Variants in NCAM2 observed in about 807,000 individuals in gnomAD.
NCAM2 encodes neural cell adhesion molecule 2.
NCAM2 carries 30 observed loss-of-function variants against 98.1 expected under a neutral mutation model. That is an observed-to-expected ratio of 0.31 (90% CI 0.23 to 0.41). NCAM2 has a LOEUF of 0.41. NCAM2 is among the 10% of genes least tolerant of loss of function. The probability of loss-of-function intolerance (pLI) is 1.00; values close to 1 mark genes in which losing one functional copy is unlikely to be tolerated. For missense variants in NCAM2, 867 were observed against 1,005.8 expected, an observed-to-expected ratio of 0.86 and a Z score of 1.87; for synonymous variants, 368 against 342.4, an observed-to-expected ratio of 1.07 and a Z score of -0.83.
intron 5 of NCAM2, among the ~76,000 whole-genome samples, chr21:21,304,602 A>G (rs894961203): frequency 6.6e-6 from 1 of 152,198 alleles, no homozygotes; most frequent in East Asian, 1.9e-4. Flanking sequence ...GTTCATTTCC[A>G]TATTAATTTT....
chr21:21,302,720 T>C (rs1238248150), intron 5 of NCAM2, among the ~76,000 whole-genome samples: 1 of 152,080 alleles, frequency 6.6e-6, no homozygotes, highest in African/African-American at 2.4e-5. Context: ...AAAACAGATA[T>C]ACTATTCAAC....
intron 9 of NCAM2, among the ~76,000 whole-genome samples, chr21:21,374,531 A>C (rs975039633): frequency 6.6e-6 from 1 of 152,020 alleles, no homozygotes; most frequent in African/African-American, 2.4e-5. Flanking sequence ...TGACAAGGAT[A>C]GTTTTTAAAA....
At chr21:21,376,475 G>T (rs1409910258) in intron 9 of NCAM2, among the ~76,000 whole-genome samples, 1 of 151,690 alleles carries the variant, frequency 6.6e-6, no homozygotes, top group Non-Finnish European at 1.5e-5. Flanking sequence ...CATGTATTCA[G>T]ATTTCAAAGT....
intron 1 of NCAM2, among the ~76,000 whole-genome samples, chr21:21,051,668 C>T (rs534375718): frequency 6.6e-6 from 1 of 152,150 alleles, no homozygotes; most frequent in Non-Finnish European, 1.5e-5. Context: ...TCATGGCAAA[C>T]AGTGTTGCTT....
chr21:21,064,207 G>A (rs1374259792), intron 1 of NCAM2, among the ~76,000 whole-genome samples: 1 of 152,156 alleles, frequency 6.6e-6, no homozygotes, highest in Non-Finnish European at 1.5e-5. Flanking sequence ...GTTCATGCCA[G>A]CCACTGAGGG....
intron 1 of NCAM2, among the ~76,000 whole-genome samples, chr21:21,263,077 TGACAACATGATCCTATACCTAG>T (rs951093987): frequency 6.6e-6 from 1 of 152,064 alleles, no homozygotes; most frequent in African/African-American, 2.4e-5. Context: ...CCCTCTTCTC[TGACAACATGATCCTATACCTAG>T]AAAACACTGA....
chr21:21,499,159 T>C (rs1987454845), intron 15 of NCAM2, among the ~76,000 whole-genome samples: 1 of 152,176 alleles, frequency 6.6e-6, no homozygotes. Context: ...CTGGCCACAG[T>C]AAAATGCGTA....
At position 21,515,875 on chromosome 21, in the gene NCAM2, C is replaced by A. The variant is rs149911502; in HGVS notation, c.2282+6820C>A. On this transcript the variant is annotated intron_variant, in intron 16 of 17. Transcript: ENST00000400546. ...TTTTATCATTTATAACTGAAGAAGA[C>A]GGCAATTTTAGAGTTTTTGTATTCC... Among the ~76,000 whole-genome samples, 609 of 152,128 alleles carry A rather than the reference C, an allele frequency of 4.0e-3. 6 individuals are homozygous for A. Among genetic ancestry groups the A allele is most frequent in the African/African-American group, 0.014 (588 of 41,504 alleles).
chr21:21,331,513 C>A (rs376286998), intron 6 of NCAM2, among the ~76,000 whole-genome samples: 3,949 of 5,620 alleles, frequency 0.7, 1,408 homozygotes, highest in Middle Eastern at 0.79. Flanking sequence ...TATACTCTCT[C>A]TCTCTATATA....
At chr21:21,164,973 C>G (rs992423722) in intron 1 of NCAM2, among the ~76,000 whole-genome samples, 12 of 152,126 alleles carry the variant, frequency 7.9e-5, no homozygotes, top group African/African-American at 2.4e-4. Context: ...ATACCAGGCA[C>G]TATCTTAAAT....
At chr21:21,452,825 TATATATA>T (rs1389904918) in intron 12 of NCAM2, among the ~76,000 whole-genome samples, 1 of 104,546 alleles carries the variant, frequency 9.6e-6, no homozygotes, top group Non-Finnish European at 1.7e-5. Flanking sequence ...TATTATATAA[TATATATA>T]ATATATAATG....
chr21:21,186,398 T>C (rs1417383116), intron 1 of NCAM2, among the ~76,000 whole-genome samples: 1 of 152,140 alleles, frequency 6.6e-6, no homozygotes, highest in East Asian at 1.9e-4. Flanking sequence ...ATCTAAGATA[T>C]TATGGATTCT....
Position 21,395,491 on chromosome 21 carries a change from A to T in NCAM2, c.1196-14783A>T, listed in dbSNP as rs574874814. ...ATGCAATTCTCATCAAAATAACACC[A>T]TAATTCTTCACAGAATTAGAAAAAA... On this transcript the variant is annotated intron_variant, in intron 9 of 17. Transcript: ENST00000400546. Among the ~76,000 whole-genome samples the T allele has an allele frequency of 2.0e-5, 3 of 152,344 alleles. No homozygotes were observed. The South Asian group carries it at 6.2e-4, about 32-fold the overall frequency.
intron 1 of NCAM2, among the ~76,000 whole-genome samples, chr21:21,174,583 A>G (rs1204330807): frequency 6.6e-6 from 1 of 152,190 alleles, no homozygotes; most frequent in Non-Finnish European, 1.5e-5. Context: ...CTGGAAGGCA[A>G]TAAGTATAAA....
At chr21:21,401,809 T>C (rs1392980341) in intron 9 of NCAM2, among the ~76,000 whole-genome samples, 2 of 152,150 alleles carry the variant, frequency 1.3e-5, no homozygotes, top group Non-Finnish European at 2.9e-5. Context: ...GGACATATAC[T>C]CACAAGTAGG....
At chr21:21,160,368 A>T (rs983053985) in intron 1 of NCAM2, among the ~76,000 whole-genome samples, 1 of 151,954 alleles carries the variant, frequency 6.6e-6, no homozygotes, top group African/African-American at 2.4e-5. Context: ...TTTTCAATAC[A>T]TTGCCATTGC....
chr21:21,300,523 C>A (rs532410138), intron 5 of NCAM2, among the ~76,000 whole-genome samples: 41 of 8,776 alleles, frequency 4.7e-3, no homozygotes, highest in Non-Finnish European at 6.5e-3. Flanking sequence ...ATCCAGAAAC[C>A]AACTCCATTC....
intron 1 of NCAM2, among the ~76,000 whole-genome samples, chr21:21,248,030 T>G (rs1470445339): frequency 6.6e-6 from 1 of 152,132 alleles, no homozygotes; most frequent in African/African-American, 2.4e-5. Context: ...CACTTGTGCA[T>G]GTGTGTGTGA....
intron 1 of NCAM2, among the ~76,000 whole-genome samples, chr21:21,260,240 T>C (rs1324108102): frequency 1.3e-5 from 2 of 151,648 alleles, no homozygotes; most frequent in African/African-American, 4.8e-5. Context: ...ATTCCTGAGA[T>C]AGAAGAAAAA....
Sources: gnomAD v4.1 joint callset for allele counts (sites outside exome capture counted in the v4.1 genomes callset) on GRCh38, gnomAD v4.1.1 for gene constraint, MANE v1.5 for transcripts, NCBI Gene and HGNC (gene_info 2026-07-23, HGNC 2026-07-21) for gene names.